SHTN1: variants seen among roughly 807,000 people sequenced by gnomAD.
SHTN1 encodes the protein shootin 1.
Under a neutral mutation model 83.1 loss-of-function variants are expected in SHTN1, and 42 were observed. The observed-to-expected ratio is 0.51, with a 90% CI of 0.39 to 0.65. The LOEUF is 0.65. Among genes scored for constraint, SHTN1 ranks in the 30% least tolerant of loss-of-function variants. SHTN1 has a pLI of 0.00. For synonymous variants in SHTN1, 224 were observed against 247.7 expected (o/e 0.90, Z 0.90); for missense variants, 622 against 737.8 (o/e 0.84, Z 1.82).
At chr10:116,899,564 CAT>C (rs1847656377) in intron 16 of SHTN1, among the ~76,000 whole-genome samples, 2 of 140,540 alleles carry the variant, frequency 1.4e-5, no homozygotes, top group East Asian at 4.1e-4. Flanking sequence ...TGCATGCATA[CAT>C]ATGTTGGGAC....
chr10:116,909,748 G>A (rs1848117552), intron 14 of SHTN1, among the ~76,000 whole-genome samples: 1 of 152,120 alleles, frequency 6.6e-6, no homozygotes, highest in Non-Finnish European at 1.5e-5. Context: ...TTTTCTACCT[G>A]GGGGCTAACT....
rs940430892 is a variant in SHTN1, at chr10:116,968,671, T to G, written c.153A>C (p.Lys51Asn). The change falls in exon 3 of 17, where the codon AAA (lysine) becomes AAC (asparagine). Residue 51 changes from lysine (K) to asparagine (N), a missense_variant. Around this residue, in one of 3 missense-constraint regions of SHTN1, gnomAD observed 383 missense variants for 455.8 expected, o/e 0.84. Transcript: ENST00000355371. ...IRQERDEAVK[K>N]LEEFQKISHM... ...ACGTACTTTTCTGAAATTCTTCCAGTTTTTTAACGGCTTCATCTCGTTCTT... is the reference window on the plus strand; with the variant it reads ...ACGTACTTTTCTGAAATTCTTCCAGGTTTTTAACGGCTTCATCTCGTTCTT... 5.6e-6 allele frequency: 9 copies of G among 1,611,904 alleles called. No individual in the cohort carries two copies. Among genetic ancestry groups the G allele is most frequent in the Non-Finnish European group, 7.6e-6 (9 of 1,178,460 alleles).
intron 3 of SHTN1, among the ~76,000 whole-genome samples, chr10:116,965,895 C>T (rs371841862): frequency 6.6e-6 from 1 of 152,278 alleles, no homozygotes; most frequent in South Asian, 2.1e-4. Context: ...AAAATACTGC[C>T]TATTCCCTTC....
chr10:117,119,521 T>C (rs915766527), intron 1 of SHTN1, among the ~76,000 whole-genome samples: 5 of 152,174 alleles, frequency 3.3e-5, no homozygotes, highest in East Asian at 1.9e-4. Flanking sequence ...AAATGGCTTA[T>C]AATCAAAAGA....
chr10:117,049,794 C>T (rs938240788), intron 1 of SHTN1, among the ~76,000 whole-genome samples: 2 of 152,052 alleles, frequency 1.3e-5, no homozygotes, highest in African/African-American at 4.8e-5. Flanking sequence ...TTCCATGATG[C>T]AATAAGTATC....
intron 1 of SHTN1, among the ~76,000 whole-genome samples, chr10:117,057,551 TTTCCC>T (rs1174533647): frequency 6.6e-6 from 1 of 152,162 alleles, no homozygotes; most frequent in African/African-American, 2.4e-5. Context: ...CTCCTTCCCT[TTTCCC>T]TTCATTTTTC....
At chr10:117,017,426 G>A (rs1252730403) in intron 2 of SHTN1, among the ~76,000 whole-genome samples, 1 of 148,832 alleles carries the variant, frequency 6.7e-6, no homozygotes, top group African/African-American at 2.5e-5. Flanking sequence ...GGGAGGCAGA[G>A]CTTGCAGTGA....
At chr10:116,953,623 G>GTTTTTTTTTTTTTTTTTTTTTTTTTTTTT (rs759706275) in intron 5 of SHTN1, among the ~76,000 whole-genome samples, 1 of 92,720 alleles carries the variant, frequency 1.1e-5, no homozygotes, top group Non-Finnish European at 1.9e-5. Context: ...TTTGTGTTTT[G>GTTTTTTTTTTTTTTTTTTTTTTTTTTTTT]TTTTTTTTTT....
chr10:117,007,161 A>T (rs1055161792), upstream of SHTN1, among the ~76,000 whole-genome samples: 3 of 151,846 alleles, frequency 2.0e-5, no homozygotes, highest in Non-Finnish European at 2.9e-5. Context: ...AGATAATAAT[A>T]AAAAAATCCG....
intron 1 of SHTN1, among the ~76,000 whole-genome samples, chr10:117,113,331 C>T (rs1211964414): frequency 6.6e-6 from 1 of 152,174 alleles, no homozygotes; most frequent in Non-Finnish European, 1.5e-5. Context: ...TGTCAAAGTT[C>T]CCAGTGTTAC....
At chr10:116,981,658 A>G (rs1851023439) in intron 1 of SHTN1, among the ~76,000 whole-genome samples, 1 of 152,216 alleles carries the variant, frequency 6.6e-6, no homozygotes, top group African/African-American at 2.4e-5. Flanking sequence ...GTTACTTGAC[A>G]TTTAAAAGTA....
At chr10:117,067,401 G>A (rs1031996504) in intron 1 of SHTN1, among the ~76,000 whole-genome samples, 2 of 152,184 alleles carry the variant, frequency 1.3e-5, no homozygotes, top group South Asian at 2.1e-4. Flanking sequence ...GACCAGCCTA[G>A]CCAACATGGG....
At chr10:117,077,300 A>G (rs903202535) in intron 1 of SHTN1, among the ~76,000 whole-genome samples, 1 of 152,198 alleles carries the variant, frequency 6.6e-6, no homozygotes, top group Non-Finnish European at 1.5e-5. Context: ...AGATGGAAAG[A>G]TAGTGAATGA....
chr10:117,041,446 G>A (rs988935552), intron 2 of SHTN1, among the ~76,000 whole-genome samples: 8 of 152,058 alleles, frequency 5.3e-5, no homozygotes, highest in African/African-American at 1.9e-4. Context: ...GTAGCATCAC[G>A]GAGTCCAATA....
chr10:117,000,117 C>T (rs1021940574), intron 1 of SHTN1, among the ~76,000 whole-genome samples: 3 of 152,032 alleles, frequency 2.0e-5, no homozygotes, highest in African/African-American at 7.2e-5. Context: ...GCCCTTGTAC[C>T]ACACTTTGAA....
At chr10:117,006,827 G>A (rs1334151400), upstream of SHTN1, among the ~76,000 whole-genome samples, 1 of 151,866 alleles carries the variant, frequency 6.6e-6, no homozygotes, top group Non-Finnish European at 1.5e-5. Flanking sequence ...ATTTCTCCAT[G>A]ATAGTTGTAG....
intron 1 of SHTN1, among the ~76,000 whole-genome samples, chr10:116,984,686 G>A (rs1168067754): frequency 2.6e-5 from 4 of 152,112 alleles, no homozygotes; most frequent in Non-Finnish European, 2.9e-5. Flanking sequence ...TCTGCCCTTA[G>A]ACCCTCAATA....
At chr10:117,091,746 T>C (rs1853433037) in intron 1 of SHTN1, among the ~76,000 whole-genome samples, 1 of 152,236 alleles carries the variant, frequency 6.6e-6, no homozygotes, top group Non-Finnish European at 1.5e-5. Flanking sequence ...TCCCTTGCCC[T>C]ACTTTACATG....
At chr10:117,033,552 A>G (rs1232295578) in intron 2 of SHTN1, among the ~76,000 whole-genome samples, 1 of 152,180 alleles carries the variant, frequency 6.6e-6, no homozygotes, top group East Asian at 1.9e-4. Flanking sequence ...GTCTCCCAGT[A>G]AAGAAAACCT....
Sources: allele counts gnomAD v4.1 joint callset (sites outside exome capture counted in the v4.1 genomes callset), GRCh38; gene constraint gnomAD v4.1.1; regional missense constraint gnomAD v4.1.1; transcripts MANE v1.5; gene names NCBI Gene and HGNC (gene_info 2026-07-23, HGNC 2026-07-21).